Variants in ARPP21 observed in about 807,000 individuals in gnomAD.
ARPP21 encodes the protein cAMP regulated phosphoprotein 21.
ARPP21 carries 69 observed loss-of-function variants against 113.2 expected under a neutral mutation model. The ratio of observed to expected loss-of-function variants is 0.61; its 90% CI spans 0.50 to 0.74. The LOEUF (loss-of-function observed/expected upper bound fraction) is 0.74, where lower values mean the gene tolerates loss of function less well. Ranked by LOEUF, ARPP21 falls within the 30% of genes least tolerant of loss-of-function variation. The pLI, the probability that ARPP21 is intolerant of heterozygous loss-of-function variation, is 0.00. For synonymous variants in ARPP21, 368 were observed against 375.5 expected, an observed-to-expected ratio of 0.98 and a Z score of 0.23; for missense variants, 1,070 against 1,037.4, an observed-to-expected ratio of 1.03 and a Z score of -0.43.
chr3:35,742,297 C>G (rs1257979469), intron 18 of ARPP21, among the ~76,000 whole-genome samples: 1 of 152,176 alleles, frequency 6.6e-6, no homozygotes, highest in Non-Finnish European at 1.5e-5. Flanking sequence ...AAAGTTGTTC[C>G]TATTTTTAAT....
chr3:35,733,777 C>G (rs1370984682), intron 15 of ARPP21, among the ~76,000 whole-genome samples: 1 of 152,104 alleles, frequency 6.6e-6, no homozygotes, highest in Non-Finnish European at 1.5e-5. Flanking sequence ...GCATAAAAAT[C>G]AATTTTTTGT....
chr3:35,781,172 T>C (rs1388658337), intron 19 of ARPP21, among the ~76,000 whole-genome samples: 1 of 152,174 alleles, frequency 6.6e-6, no homozygotes, highest in Non-Finnish European at 1.5e-5. Context: ...TCAAGGGAAC[T>C]TCAAGAAAAG....
At chr3:35,693,468 A>G (rs2082859145) in intron 9 of ARPP21, among the ~76,000 whole-genome samples, 1 of 151,636 alleles carries the variant, frequency 6.6e-6, no homozygotes, top group African/African-American at 2.4e-5. Flanking sequence ...GTATTTTAGC[A>G]CACGAAAAAA....
chr3:35,756,770 T>C (rs778240210), intron 19 of ARPP21, among the ~76,000 whole-genome samples: 23 of 152,114 alleles, frequency 1.5e-4, no homozygotes, highest in Non-Finnish European at 2.5e-4. Flanking sequence ...CCACTGTGTG[T>C]CATATTTGTT....
chr3:35,738,393 A>G, intron 17 of ARPP21, 75 bp downstream of exon 17: 1 of 1,221,430 alleles, frequency 8.2e-7, no homozygotes, highest in Non-Finnish European at 1.2e-6. Flanking sequence ...TTTGTGTGCC[A>G]CTGGCTGACA....
intron 19 of ARPP21, among the ~76,000 whole-genome samples, chr3:35,784,658 G>T (rs1287356420): frequency 6.6e-6 from 1 of 152,048 alleles, no homozygotes; most frequent in Non-Finnish European, 1.5e-5. Flanking sequence ...CCTCCCAGTA[G>T]ATGGTACCAC....
intron 1 of ARPP21, among the ~76,000 whole-genome samples, chr3:35,667,986 AG>A (rs1559549550): frequency 6.8e-6 from 1 of 147,510 alleles, no homozygotes; most frequent in African/African-American, 2.6e-5. Context: ...AAGAAGAAGA[AG>A]AAGAAGAAGA....
At chr3:35,721,870 T>C in intron 14 of ARPP21, 36 bp downstream of exon 14, 1 of 1,398,536 alleles carries the variant, frequency 7.2e-7, no homozygotes, top group African/African-American at 1.4e-5. Flanking sequence ...TCCTGTGGTA[T>C]TTTTTGGATT....
At chr3:35,780,022 T>A (rs75590526) in intron 19 of ARPP21, among the ~76,000 whole-genome samples, 6 of 152,192 alleles carry the variant, frequency 3.9e-5, no homozygotes, top group Non-Finnish European at 7.3e-5. Flanking sequence ...TCTGTCCAGA[T>A]TTTTTTACAC....
At chr3:35,674,474 C>T (rs568496651) in intron 1 of ARPP21, among the ~76,000 whole-genome samples, 5 of 151,842 alleles carry the variant, frequency 3.3e-5, no homozygotes, top group South Asian at 4.1e-4. Flanking sequence ...AAATGTTACC[C>T]GTGTTTCAGC....
At chr3:35,692,625 T>C (rs953931326) in intron 9 of ARPP21, among the ~76,000 whole-genome samples, 9 of 151,680 alleles carry the variant, frequency 5.9e-5, no homozygotes, top group African/African-American at 2.2e-4. Flanking sequence ...CACATAGTCA[T>C]AAATACTGGT....
At chr3:35,715,560 T>C in intron 12 of ARPP21, 84 bp downstream of exon 12, 4 of 1,089,796 alleles carry the variant, frequency 3.7e-6, no homozygotes, top group Non-Finnish European at 5.6e-6. Flanking sequence ...ATATATCCCA[T>C]ATATGTGTGT....
chr3:35,700,813 T>G (rs1371554525), intron 9 of ARPP21, among the ~76,000 whole-genome samples: 2 of 151,802 alleles, frequency 1.3e-5, no homozygotes, highest in Admixed American at 6.6e-5. Context: ...AAAATACCAC[T>G]GGAGCTTTTG....
chr3:35,757,960 A>C (rs866012227), intron 19 of ARPP21, among the ~76,000 whole-genome samples: 2 of 152,308 alleles, frequency 1.3e-5, no homozygotes, highest in African/African-American at 4.8e-5. Context: ...GGTAGAACTA[A>C]TTAGTTAATT....
Position 35,721,723 on chromosome 3 carries a change from C to T in ARPP21, c.1114C>T (p.Arg372Cys), listed in dbSNP as rs778238399. Residue 372 changes from arginine to cysteine, a missense_variant, in exon 14 of 21, where the codon CGC (arginine) becomes TGC (cysteine). Physicochemically the swap from Arg to Cys is radical, Grantham distance 180. Transcript: ENST00000684406. ...WSSTDSDSSNRNLKPAMTKTA... is the reference protein window; with the variant it reads ...WSSTDSDSSNCNLKPAMTKTA... ...CAGCACAGACTCCGACAGTTCCAACCGCAATCTAAAGCCCGCCATGACCAA... is the reference window on the plus strand; with the variant it reads ...CAGCACAGACTCCGACAGTTCCAACTGCAATCTAAAGCCCGCCATGACCAA... 2.5e-5 allele frequency: 40 copies of T among 1,613,824 alleles called. No homozygotes were observed. Among genetic ancestry groups the T allele is most frequent in the East Asian group, 6.7e-5 (3 of 44,850 alleles).
At chr3:35,667,911 A>AAGAGGAAGG (rs1396711828) in intron 1 of ARPP21, among the ~76,000 whole-genome samples, 7 of 80,376 alleles carry the variant, frequency 8.7e-5, no homozygotes, top group East Asian at 6.8e-4. Context: ...GAGGAAGAGG[A>AAGAGGAAGG]AGGAGGAGGA....
At chr3:35,686,760 G>C (rs760701424) in intron 5 of ARPP21, among the ~76,000 whole-genome samples, 1 of 151,602 alleles carries the variant, frequency 6.6e-6, no homozygotes, top group African/African-American at 2.4e-5. Context: ...TGGGCTTAAC[G>C]TTGGTTAATT....
chr3:35,724,677 T>C (rs2093392830), intron 14 of ARPP21, among the ~76,000 whole-genome samples: 1 of 152,204 alleles, frequency 6.6e-6, no homozygotes, highest in South Asian at 2.1e-4. Flanking sequence ...TCTGGCTTGA[T>C]GTTTTCTGGA....
intron 16 of ARPP21, 54 bp downstream of exon 16, chr3:35,737,416 A>C: frequency 8.0e-7 from 1 of 1,248,888 alleles, no homozygotes; most frequent in Non-Finnish European, 1.1e-6. Context: ...TGAAGGCTAC[A>C]TAGTCCTCAG....
Sources: allele counts gnomAD v4.1 joint callset (sites outside exome capture counted in the v4.1 genomes callset), GRCh38; gene constraint gnomAD v4.1.1; transcripts MANE v1.5; gene names NCBI Gene and HGNC (gene_info 2026-07-23, HGNC 2026-07-21).